ECSIT: variants seen among roughly 807,000 people sequenced by gnomAD.
ECSIT encodes evolutionarily conserved signaling intermediate in Toll pathway, mitochondrial.
ECSIT carries 29 observed loss-of-function variants against 36.8 expected under a neutral mutation model. That is an observed-to-expected ratio of 0.79 (90% CI 0.59 to 1.08). The LOEUF (loss-of-function observed/expected upper bound fraction) is 1.08. ECSIT is among the 50% of genes least tolerant of loss of function. The pLI is 0.00. For missense variants in ECSIT, 542 were observed against 581.0 expected (o/e 0.93, Z 0.69); for synonymous variants, 231 against 234.8 (o/e 0.98, Z 0.15).
Position 11,513,055 on chromosome 19 carries a change from C to A in ECSIT, c.738+1G>T. 6.2e-7 allele frequency: 1 copy of A among 1,613,706 alleles called. No individual in the cohort carries two copies. The highest frequency in any genetic ancestry group is 1.1e-5 in the South Asian group (1 of 91,078). ...CTGACGCTGTAGACAAGGGCGGATA[C>A]CTGGTAGATGGTGACCCTGGCACTA... On this transcript the variant is annotated splice_donor_variant, in intron 4 of 7. Coordinates refer to ENST00000270517, the MANE Select transcript of ECSIT (RefSeq NM_016581.5). LOFTEE classifies it high-confidence loss of function.
At chr19:11,522,566 T>G in intron 1 of ECSIT, 2 of 634,954 alleles carry the variant, frequency 3.1e-6, no homozygotes, top group Non-Finnish European at 2.8e-6. Context: ...AAAAAAAAAT[T>G]AGCCAGTCAT....
intron 4 of ECSIT, among the ~76,000 whole-genome samples, chr19:11,512,322 G>A (rs1241613961): frequency 6.6e-6 from 1 of 152,138 alleles, no homozygotes; most frequent in Non-Finnish European, 1.5e-5. Context: ...TCCAGCCTGG[G>A]CAACAGAGCC....
chr19:11,522,441 C>A, intron 1 of ECSIT: 1 of 1,457,910 alleles, frequency 6.9e-7, no homozygotes, highest in Non-Finnish European at 9.5e-7. Context: ...CCCACCAGGT[C>A]CTGCGCCATC....
intron 4 of ECSIT, among the ~76,000 whole-genome samples, chr19:11,508,381 C>T (rs1330808956): frequency 8.4e-6 from 1 of 118,468 alleles, no homozygotes; most frequent in Non-Finnish European, 1.6e-5. Context: ...CACTTAATTC[C>T]GATTTTTTTT....
Position 11,521,677 on chromosome 19 carries a change from G to A in ECSIT, c.-23-2484C>T, listed in dbSNP as rs188472155. Among the ~76,000 whole-genome samples, 387 of 152,196 alleles carry A rather than the reference G, an allele frequency of 2.5e-3. 3 individuals carry two copies. The highest frequency in any genetic ancestry group is 8.8e-3 in the African/African-American group (364 of 41,548). On this transcript the variant is annotated intron_variant, in intron 1 of 7. Transcript: ENST00000270517. ...GCAGTCCCCAGCTACTCAGGAGGCGGAGGCAGGAGAATCACTTGAACCCAG... is the reference window on the plus strand; with the variant it reads ...GCAGTCCCCAGCTACTCAGGAGGCGAAGGCAGGAGAATCACTTGAACCCAG...
chr19:11,510,164 T>C (rs73512794), intron 4 of ECSIT, among the ~76,000 whole-genome samples: 29,861 of 151,834 alleles, frequency 0.2, 6,167 homozygotes, highest in African/African-American at 0.53. Flanking sequence ...TAAGCCACCA[T>C]GCCTGGCTAA....
intron 4 of ECSIT, chr19:11,510,473 T>C (rs1312735293): frequency 6.6e-6 from 1 of 151,858 alleles, no homozygotes; most frequent in African/African-American, 2.4e-5. Flanking sequence ...CCACTGTGCC[T>C]GGCTGTATTT....
intron 7 of ECSIT, among the ~76,000 whole-genome samples, chr19:11,506,824 T>G (rs1011765775): frequency 3.9e-5 from 6 of 152,310 alleles, no homozygotes; most frequent in African/African-American, 1.4e-4. Flanking sequence ...CGTGAGCCAC[T>G]GTGCCCGGCT....
At position 11,506,188 on chromosome 19, in the gene ECSIT, C is replaced by T. The variant is rs777287627; in HGVS notation, c.1292G>A (p.Ser431Asn). The change falls in exon 8 of 8, where the codon AGC becomes AAC. Residue 431 changes from serine to asparagine, a missense_variant. Physicochemically the swap from Ser to Asn is conservative, Grantham distance 46 (BLOSUM62 1). Transcript: ENST00000270517. ...GTGCCCTCGCGCCGGCTCAGACTAG[C>T]TCTGGCCCTGCTGCTGTCGCTGCAG... ...DNLQRQQQGQ[S>N] The T allele has an allele frequency of 2.3e-5, 37 of 1,604,976 alleles. No homozygotes were observed. In the Admixed American group the frequency reaches 4.2e-4, roughly 18 times the overall value.
At chr19:11,523,331 A>G (rs1410698110) in intron 1 of ECSIT, 2 of 299,182 alleles carry the variant, frequency 6.7e-6, no homozygotes, top group East Asian at 5.9e-5. Context: ...ATATATATAT[A>G]ACATTAAAAA....
In ECSIT at chr19:11,514,117, C is replaced by A; in HGVS notation, c.201G>T (p.Lys67Asn). ...ACAGGTCCTCAAAGGGCACCAGAGC[C>A]TTGGTGGGCCTCTGCCGGGGTTCCG... ...SPPEPRQRPT[K>N]ALVPFEDLFG... Residue 67 changes from lysine to asparagine, a missense_variant, in exon 3 of 8, where the codon AAG (lysine) becomes AAT (asparagine). Lys to Asn is a moderately conservative substitution (Grantham distance 94). Coordinates refer to ENST00000270517, the MANE Select transcript of ECSIT (RefSeq NM_016581.5). The A allele has an allele frequency of 6.2e-6, 10 of 1,614,086 alleles. No homozygotes were observed. The highest frequency in any genetic ancestry group is 8.5e-6 in the Non-Finnish European group (10 of 1,179,948).
intron 2 of ECSIT, among the ~76,000 whole-genome samples, chr19:11,516,667 ATG>A (rs761816388): frequency 6.9e-6 from 1 of 145,242 alleles, no homozygotes; most frequent in Admixed American, 6.7e-5. Context: ...AAATAAATGA[ATG>A]TGTGTGTGTT....
chr19:11,511,335 G>A (rs1368139158), intron 4 of ECSIT, among the ~76,000 whole-genome samples: 1 of 152,122 alleles, frequency 6.6e-6, no homozygotes, highest in Non-Finnish European at 1.5e-5. Flanking sequence ...GCTCAGCCTT[G>A]GGAGACAGGA....
Position 11,506,057 on chromosome 19 carries a change from C to G in ECSIT, c.*127G>C. 1 of 1,453,612 alleles carries G rather than the reference C, an allele frequency of 6.9e-7. No individual in the cohort carries two copies. The highest frequency in any genetic ancestry group is 1.3e-5 in the South Asian group (1 of 76,170). 90.0% of individuals were successfully genotyped at this position (1,453,612 alleles called of 1,614,324 possible). ...GAGATCCTGGGGAGGGGATGCCATACTGCTAGAGATGAGGGAAGAGAGCCC... is the reference window on the plus strand; with the variant it reads ...GAGATCCTGGGGAGGGGATGCCATAGTGCTAGAGATGAGGGAAGAGAGCCC... On this transcript the variant is annotated 3_prime_UTR_variant, in exon 8 of 8. Coordinates refer to ENST00000270517, the MANE Select transcript of ECSIT (RefSeq NM_016581.5).
chr19:11,511,793 G>T (rs558332065), intron 4 of ECSIT, among the ~76,000 whole-genome samples: 1 of 152,272 alleles, frequency 6.6e-6, no homozygotes, highest in South Asian at 2.1e-4. Flanking sequence ...CCAGCACTTT[G>T]GGAGGCCGAG....
intron 1 of ECSIT, chr19:11,523,431 C>G (rs1972149160): frequency 1.4e-6 from 1 of 716,764 alleles, no homozygotes. Context: ...CCATAACCCA[C>G]TGCCATGGCC....
chr19:11,528,229 A>G (rs183676901), intron 1 of ECSIT, among the ~76,000 whole-genome samples: 1 of 152,140 alleles, frequency 6.6e-6, no homozygotes, highest in Admixed American at 6.6e-5. Flanking sequence ...CCCATTCCCC[A>G]CATTCTAAAA....
intron 1 of ECSIT, among the ~76,000 whole-genome samples, chr19:11,526,133 T>G (rs1972211612): frequency 6.6e-6 from 1 of 151,934 alleles, no homozygotes; most frequent in Non-Finnish European, 1.5e-5. Context: ...CCTGGCTAAT[T>G]TTTGCGTTCT....
chr19:11,528,612 A>C (rs1972262799), intron 1 of ECSIT: 1 of 152,188 alleles, frequency 6.6e-6, no homozygotes, highest in Non-Finnish European at 1.5e-5. Flanking sequence ...TATCTTCCTC[A>C]TTGCTGTGTC....
Sources: allele counts gnomAD v4.1 joint callset (sites outside exome capture counted in the v4.1 genomes callset), GRCh38; gene constraint gnomAD v4.1.1; transcripts MANE v1.5; gene names NCBI Gene and HGNC (gene_info 2026-07-23, HGNC 2026-07-21).